FOXN3: variants seen among roughly 807,000 people sequenced by gnomAD.
FOXN3 encodes the protein forkhead box protein N3.
Under a neutral mutation model 38.4 loss-of-function variants are expected in FOXN3, and 7 were observed. The observed-to-expected ratio is 0.18, with a 90% confidence interval of 0.10 to 0.34. The LOEUF (loss-of-function observed/expected upper bound fraction) is 0.34, where lower values mean the gene tolerates loss of function less well. Ranked by LOEUF, FOXN3 falls within the 10% of genes least tolerant of loss-of-function variation. The pLI is 1.00. For synonymous variants in FOXN3, 230 were observed against 242.2 expected (o/e 0.95, Z 0.47); for missense variants, 456 against 613.4 (o/e 0.74, Z 2.71).
At chr14:89,335,423 A>G (rs545594453) in intron 3 of FOXN3, among the ~76,000 whole-genome samples, 1 of 152,364 alleles carries the variant, frequency 6.6e-6, no homozygotes, top group Admixed American at 6.5e-5. Context: ...CAAGTGGTCT[A>G]TTGAACTTGG....
chr14:89,308,039 C>G (rs60209336), intron 3 of FOXN3, among the ~76,000 whole-genome samples: 1 of 152,096 alleles, frequency 6.6e-6, no homozygotes, highest in Non-Finnish European at 1.5e-5. Flanking sequence ...CCGAGGTGGG[C>G]GGATCATCTG....
chr14:89,246,542 C>CTTTTTTTT (rs755916666), intron 4 of FOXN3, among the ~76,000 whole-genome samples: 9,090 of 83,732 alleles, frequency 0.11, 1,702 homozygotes, highest in African/African-American at 0.13. Flanking sequence ...CAGGATGCGG[C>CTTTTTTTT]TTTTTTTTTT....
intron 3 of FOXN3, among the ~76,000 whole-genome samples, chr14:89,301,072 G>GT (rs1168542126): frequency 3.3e-5 from 5 of 152,068 alleles, no homozygotes; most frequent in Non-Finnish European, 5.9e-5. Context: ...CAAAGTGCTA[G>GT]GATTACAGGC....
At chr14:89,416,421 G>A (rs1042579538) in intron 1 of FOXN3, among the ~76,000 whole-genome samples, 1 of 152,148 alleles carries the variant, frequency 6.6e-6, no homozygotes, top group Admixed American at 6.5e-5. Context: ...GTTTCAAACA[G>A]GGCCGGGATG....
chr14:89,332,770 T>A (rs1888287691), intron 3 of FOXN3, among the ~76,000 whole-genome samples: 1 of 152,058 alleles, frequency 6.6e-6, no homozygotes, highest in Non-Finnish European at 1.5e-5. Flanking sequence ...AAAGGCAACC[T>A]ACAGGACGGA....
At chr14:89,238,877 T>G (rs1481692273) in intron 4 of FOXN3, among the ~76,000 whole-genome samples, 2 of 152,162 alleles carry the variant, frequency 1.3e-5, no homozygotes, top group Admixed American at 1.3e-4. Flanking sequence ...TAAACTACAA[T>G]TCTTGCTATT....
intron 3 of FOXN3, among the ~76,000 whole-genome samples, chr14:89,316,260 C>T (rs1201694869): frequency 6.6e-6 from 1 of 152,108 alleles, no homozygotes; most frequent in East Asian, 1.9e-4. Context: ...CCCAGCTGTC[C>T]CAGACATCCC....
chr14:89,418,264 C>T (rs1891809039), upstream of FOXN3, among the ~76,000 whole-genome samples: 1 of 151,940 alleles, frequency 6.6e-6, no homozygotes, highest in African/African-American at 2.4e-5. Flanking sequence ...GACAGGACAT[C>T]GTGAGCGGTC....
At chr14:89,506,974 C>T (rs997227083) in intron 1 of FOXN3, among the ~76,000 whole-genome samples, 4 of 152,084 alleles carry the variant, frequency 2.6e-5, no homozygotes, top group East Asian at 1.9e-4. Context: ...AAGTACCCAG[C>T]GACACAAACA....
intron 4 of FOXN3, 56 bp from the exon 5 acceptor site, chr14:89,180,862 C>T (rs576220231): frequency 1.6e-4 from 231 of 1,427,070 alleles, no homozygotes; most frequent in African/African-American, 1.5e-3. Context: ...TGAAGATTTC[C>T]GTTCCAAGTC....
intron 1 of FOXN3, among the ~76,000 whole-genome samples, chr14:89,443,946 T>C (rs576163541): frequency 7.1e-6 from 1 of 141,542 alleles, no homozygotes; most frequent in South Asian, 2.2e-4. Flanking sequence ...GAGGTGGAGG[T>C]TGCAGTGAGC....
chr14:89,324,170 C>G (rs992480026), intron 3 of FOXN3, among the ~76,000 whole-genome samples: 2 of 152,150 alleles, frequency 1.3e-5, no homozygotes, highest in Admixed American at 1.3e-4. Flanking sequence ...TCAGTAATAG[C>G]CAAGCAACAC....
intron 3 of FOXN3, among the ~76,000 whole-genome samples, chr14:89,289,943 G>C (rs1372621447): frequency 1.3e-5 from 2 of 152,280 alleles, no homozygotes; most frequent in Non-Finnish European, 2.9e-5. Context: ...GATATGAGGG[G>C]AACAGACTTC....
At position 89,163,688 on chromosome 14, in the gene FOXN3, G is replaced by A. The variant is rs1002722490; in HGVS notation, c.852-719C>T. Among the ~76,000 whole-genome samples the A allele has an allele frequency of 5.9e-5, 9 of 152,210 alleles. No homozygotes were observed. The highest frequency in any genetic ancestry group is 1.3e-4 in the Non-Finnish European group (9 of 68,044). On this transcript the variant is annotated intron_variant, in intron 5 of 5. Transcript: ENST00000557258. This position sits in a 1 kb window ranked among gnomAD's most constrained non-coding sequence, Gnocchi z 4.3. ...TTCCCGAACTCAACACCTGCCAGGC[G>A]CTCTGCTAAGTCTGTGCAGAGGACC... is the stretch of plus-strand genomic sequence containing the variant.
intron 1 of FOXN3, among the ~76,000 whole-genome samples, chr14:89,568,960 T>C (rs1301028466): frequency 2.6e-5 from 4 of 152,188 alleles, no homozygotes; most frequent in Non-Finnish European, 5.9e-5. Flanking sequence ...ATCCCAGCAC[T>C]TTGGGAGGCC....
At chr14:89,280,863 T>A (rs1886437380) in intron 4 of FOXN3, 87 bp downstream of exon 4, 26 of 1,167,308 alleles carry the variant, frequency 2.2e-5, no homozygotes, top group Non-Finnish European at 2.5e-6. Flanking sequence ...GGGACAGAAC[T>A]GTCCTATTTG....
intron 4 of FOXN3, among the ~76,000 whole-genome samples, chr14:89,215,732 T>C (rs1884258032): frequency 6.6e-6 from 1 of 152,212 alleles, no homozygotes; most frequent in African/African-American, 2.4e-5. Flanking sequence ...TTCTGTGCAA[T>C]TTCTGCAGTG....
intron 3 of FOXN3, among the ~76,000 whole-genome samples, chr14:89,339,253 T>A (rs1247934224): frequency 6.6e-6 from 1 of 152,094 alleles, no homozygotes; most frequent in African/African-American, 2.4e-5. Context: ...AGATTACAGG[T>A]GTGAGCCACC....
chr14:89,523,307 C>T (rs403428), intron 1 of FOXN3, among the ~76,000 whole-genome samples: 59,420 of 151,418 alleles, frequency 0.39, 12,030 homozygotes, highest in East Asian at 0.6. Context: ...ATAGAACAAA[C>T]AGACAATCAG....
Sources: allele counts gnomAD v4.1 joint callset (sites outside exome capture counted in the v4.1 genomes callset), GRCh38; gene constraint gnomAD v4.1.1; non-coding constraint Gnocchi (gnomAD v3.1); transcripts MANE v1.5; gene names NCBI Gene and HGNC (gene_info 2026-07-23, HGNC 2026-07-21).